The following RTL10 variants were observed in gnomAD, a reference collection of about 807,000 sequenced individuals.
RTL10 encodes the protein retrotransposon Gag like 10, also known as protein Bop.
For synonymous variants in RTL10, 199 were observed against 188.4 expected (o/e 1.06, Z -0.46); for missense variants, 477 against 470.7 (o/e 1.01, Z -0.12).
chr22:19,854,652 G>GCGCGGACCGAGAAACTGAGGCC lies in RTL10; in HGVS notation c.-337_-323+7dup, dbSNP rs1356469321. The GCGCGGACCGAGAAACTGAGGCC allele has an allele frequency of 7.8e-5, 12 of 152,996 alleles. No individual in the cohort carries two copies. The highest frequency in any genetic ancestry group is 7.2e-4 in the Admixed American group (11 of 15,318). 9.5% of individuals were successfully genotyped at this position (152,996 alleles called of 1,614,324 possible). On this transcript the variant is annotated splice_region_variant and intron_variant, in intron 1 of 2. Coordinates refer to ENST00000328554, the MANE Select transcript of RTL10 (RefSeq NM_024627.6). ...CTCCAGGTGCCCCCACAAACCCCCG[G>GCGCGGACCGAGAAACTGAGGCC]CGCGGACCGAGAAACTGAGGCCCGC...
In RTL10 at chr22:19,852,139, G is replaced by A. The variant is rs1938120724; in HGVS notation, c.123C>T (p.Pro41=). The A allele has an allele frequency of 1.2e-6, 2 of 1,614,174 alleles. No individual in the cohort carries two copies. The highest frequency in any genetic ancestry group is 1.3e-5 in the African/African-American group (1 of 75,072). The change falls in exon 3 of 3, where the codon CCC becomes CCT. Residue 41 remains proline, a synonymous_variant. Coordinates refer to ENST00000328554, the MANE Select transcript of RTL10 (RefSeq NM_024627.6). ...GCCGCTCAATCCAGGGATCCACAAG[G>A]GGGGTGTATGCCACCCCAGGAGACG... ...DKASPGVAYT[P]LVDPWIERPC...
intron 2 of RTL10, among the ~76,000 whole-genome samples, chr22:19,853,017 GCT>G: frequency 6.6e-6 from 1 of 152,254 alleles, no homozygotes; most frequent in East Asian, 1.9e-4. Flanking sequence ...TCGTCATTAG[GCT>G]CTTTTACATC....
intron 2 of RTL10, among the ~76,000 whole-genome samples, chr22:19,853,308 C>T (rs1307766508): frequency 6.6e-6 from 1 of 152,152 alleles, no homozygotes; most frequent in East Asian, 1.9e-4. Flanking sequence ...TCTGGGGAGT[C>T]CCAGTCTGAT....
chr22:19,851,717 G>T lies in RTL10; in HGVS notation c.545C>A (p.Pro182Gln). 1 of 1,603,536 alleles carries T rather than the reference G, an allele frequency of 6.2e-7. No individual in the cohort carries two copies. Among genetic ancestry groups the T allele is most frequent in the Non-Finnish European group, 8.5e-7 (1 of 1,172,594 alleles). ...CQDLKEVVQD[P>Q]NSFAEYHAVV... ...AGCATGGTACTCAGCAAAACTGTTC[G>T]GGTCTTGAACAACTTCCTTGAGATC... is the stretch of plus-strand genomic sequence containing the variant. The change falls in exon 3 of 3, where the codon CCG becomes CAG. Residue 182 changes from proline to glutamine, a missense_variant. Coordinates refer to ENST00000328554, the MANE Select transcript of RTL10 (RefSeq NM_024627.6).
Position 19,849,944 on chromosome 22 carries a change from T to A in RTL10, c.*1223A>T, listed in dbSNP as rs1299562909. 25 of 985,412 alleles carry A rather than the reference T, an allele frequency of 2.5e-5. No homozygotes were observed. The highest frequency in any genetic ancestry group is 3.0e-5 in the Non-Finnish European group (25 of 830,016). The allele number at this position is 985,412 out of a possible 1,614,324, so 61.0% of individuals were successfully genotyped here. Reference sequence around the variant, plus strand: ...GCTTCCACTAGAAAACCCCTCCTTGTGTGGAACAGGTCTTTCTTCATTCCA... The same window carrying A: ...GCTTCCACTAGAAAACCCCTCCTTGAGTGGAACAGGTCTTTCTTCATTCCA... On this transcript the variant is annotated 3_prime_UTR_variant, in exon 3 of 3. Coordinates refer to ENST00000328554, the MANE Select transcript of RTL10 (RefSeq NM_024627.6).
Position 19,852,042 on chromosome 22 carries a change from C to G in RTL10, c.220G>C (p.Gly74Arg), listed in dbSNP as rs141688112. ...AGGGGACCCCTTTCTGCAGGTTTAC[C>G]GCCACAAGTGCCACTAGCTGTGCTC... ...QKSTASGTCG[G>R]KPAERGPLAG... is the part of the protein sequence containing the mutation. The change falls in exon 3 of 3, where the codon GGT (glycine) becomes CGT (arginine). Residue 74 changes from glycine to arginine, a missense_variant. Physicochemically the swap from Gly to Arg is moderately radical, Grantham distance 125. Coordinates refer to ENST00000328554, the MANE Select transcript of RTL10 (RefSeq NM_024627.6). 102 of 1,614,076 alleles carry G rather than the reference C, an allele frequency of 6.3e-5. No individual in the cohort carries two copies. Among genetic ancestry groups the G allele is most frequent in the Admixed American group, 6.7e-5 (4 of 60,014 alleles).
In RTL10 at chr22:19,850,912, C is replaced by T; in HGVS notation, c.*255G>A. 1.5e-6 allele frequency: 2 copies of T among 1,362,062 alleles called. No homozygotes were observed. The highest frequency in any genetic ancestry group is 1.9e-6 in the Non-Finnish European group (2 of 1,061,562). The allele number at this position is 1,362,062 out of a possible 1,614,324, so 84.4% of individuals were successfully genotyped here. A position where few individuals can be genotyped will look rare whatever the true frequency, so the allele number is the denominator to read the frequency against. ...GTGGGAGCAGGCCTGGGTGAGACGG[C>T]ACTCCCAGAAGACGGGCAGGGATGC... On this transcript the variant is annotated 3_prime_UTR_variant, in exon 3 of 3. Transcript: ENST00000328554.
Position 19,850,258 on chromosome 22 carries a change from A to G in RTL10, c.*909T>C. ...CAGCCAGTAATCCAACACGTGTTTA[A>G]TGAGCACCAATTGTGTACCAGGCCA... On this transcript the variant is annotated 3_prime_UTR_variant, in exon 3 of 3. Coordinates refer to ENST00000328554, the MANE Select transcript of RTL10 (RefSeq NM_024627.6). 2 of 985,058 alleles carry G rather than the reference A, an allele frequency of 2.0e-6. No homozygotes were observed. The highest frequency in any genetic ancestry group is 2.4e-6 in the Non-Finnish European group (2 of 829,530). 61.0% of individuals were successfully genotyped at this position (985,058 alleles called of 1,614,324 possible). A position where few individuals can be genotyped will look rare whatever the true frequency, so the allele number is the denominator to read the frequency against.
Position 19,848,726 on chromosome 22 carries a change from ACT to A in RTL10, c.*2439_*2440del, listed in dbSNP as rs1365251082. The A allele has an allele frequency of 1.0e-6, 1 of 985,310 alleles. No homozygotes were observed. The highest frequency in any genetic ancestry group is 1.2e-6 in the Non-Finnish European group (1 of 829,990). The allele number at this position is 985,310 out of a possible 1,614,324, so 61.0% of individuals were successfully genotyped here. On this transcript the variant is annotated 3_prime_UTR_variant, in exon 3 of 3. Transcript: ENST00000328554. ...GCCCTCAGACACACGGCAGACCATAACTCACACACCCCCAGGAGCTGCCTGGG... is the reference window on the plus strand; with the variant it reads ...GCCCTCAGACACACGGCAGACCATAACACACACCCCCAGGAGCTGCCTGGG...
rs1555903696 is a variant in RTL10 at position 19,849,385 on chromosome 22, T to TTTG, written c.*1781_*1782insCAA. On this transcript the variant is annotated 3_prime_UTR_variant, in exon 3 of 3. Coordinates refer to ENST00000328554, the MANE Select transcript of RTL10 (RefSeq NM_024627.6). ...TTGTTTTTTGTTGTTTTTTTTTTTT[T>TTTG]GGGATGGAGTTTCACTCTTGTTGTC... The TTTG allele has an allele frequency of 6.3e-4, 477 of 761,694 alleles. No individual in the cohort carries two copies. The highest frequency in any genetic ancestry group is 1.3e-3 in the Middle Eastern group (2 of 1,514). 47.2% of individuals were successfully genotyped at this position (761,694 alleles called of 1,614,324 possible). A position where few individuals can be genotyped will look rare whatever the true frequency, so the allele number is the denominator to read the frequency against.
chr22:19,852,161 G>A lies in RTL10; in HGVS notation c.101C>T (p.Ser34Phe), dbSNP rs1363090518. 6 of 1,613,992 alleles carry A rather than the reference G, an allele frequency of 3.7e-6. No individual in the cohort carries two copies. The highest frequency in any genetic ancestry group is 4.2e-6 in the Non-Finnish European group (5 of 1,180,040). The change falls in exon 3 of 3, where the codon TCT (serine) becomes TTT (phenylalanine). Residue 34 changes from serine to phenylalanine, a missense_variant. Physicochemically the swap from Ser to Phe is radical, Grantham distance 155 (BLOSUM62 -2). Transcript: ENST00000328554. ...AAGGGGGGTGTATGCCACCCCAGGAGACGCCTTGTCCATCTGCTGCCATGG... is the reference window on the plus strand; with the variant it reads ...AAGGGGGGTGTATGCCACCCCAGGAAACGCCTTGTCCATCTGCTGCCATGG... ...AHPWQQMDKASPGVAYTPLVD... is the reference protein window; with the variant it reads ...AHPWQQMDKAFPGVAYTPLVD...
Position 19,847,297 on chromosome 22 carries a change from G to A in RTL10, c.*3870C>T, listed in dbSNP as rs1937983220. ...TGCGCTGTTGGAGATCTTTGTTACT[G>A]CAGCACAATCTGGCTCATGCTGACT... On this transcript the variant is annotated 3_prime_UTR_variant, in exon 3 of 3. Transcript: ENST00000328554. 2 of 984,518 alleles carry A rather than the reference G, an allele frequency of 2.0e-6. 1 individual carries two copies. Among genetic ancestry groups the A allele is most frequent in the Admixed American group, 1.2e-4 (2 of 16,274 alleles). 61.0% of individuals were successfully genotyped at this position (984,518 alleles called of 1,614,324 possible). A position where few individuals can be genotyped will look rare whatever the true frequency, so the allele number is the denominator to read the frequency against.
Position 19,852,083 on chromosome 22 carries a change from G to T in RTL10, c.179C>A (p.Thr60Lys). ...AGCTGTGCTCTTCTGCTCCATGGTC[G>T]TTCGCACACACACGGTGTCCCCACA... Reference protein sequence around the residue: ...PCCGDTVCVRTTMEQKSTASG... With the variant: ...PCCGDTVCVRKTMEQKSTASG... Residue 60 changes from threonine (T) to lysine (K), a missense_variant, in exon 3 of 3, where the codon ACG becomes AAG. Coordinates refer to ENST00000328554, the MANE Select transcript of RTL10 (RefSeq NM_024627.6). The T allele has an allele frequency of 6.2e-7, 1 of 1,614,220 alleles. No individual in the cohort carries two copies. The highest frequency in any genetic ancestry group is 8.5e-7 in the Non-Finnish European group (1 of 1,180,040).
In RTL10 at chr22:19,848,205, A is replaced by G. The variant is rs949234893; in HGVS notation, c.*2962T>C. The stretch of plus-strand genomic sequence containing the variant: ...ACAGCACCCATCATGTCCTATCTTC[A>G]GGAAATAAAATCTCTGGGTATTTCC... On this transcript the variant is annotated 3_prime_UTR_variant, in exon 3 of 3. Coordinates refer to ENST00000328554, the MANE Select transcript of RTL10 (RefSeq NM_024627.6). The G allele has an allele frequency of 4.0e-5, 39 of 985,280 alleles. No homozygotes were observed. Among genetic ancestry groups the G allele is most frequent in the Admixed American group, 6.1e-5 (1 of 16,266 alleles). 61.0% of individuals were successfully genotyped at this position (985,280 alleles called of 1,614,324 possible).
rs1277576235 is a variant in RTL10, at chr22:19,851,331, C to T, written c.931G>A (p.Ala311Thr). 8 of 1,614,012 alleles carry T rather than the reference C, an allele frequency of 5.0e-6. No homozygotes were observed. The highest frequency in any genetic ancestry group is 1.6e-4 in the Middle Eastern group (1 of 6,084). Residue 311 changes from alanine to threonine, a missense_variant, in exon 3 of 3, where the codon GCC becomes ACC. By Grantham distance (58) the Ala-to-Thr change is moderately conservative. Transcript: ENST00000328554. Reference sequence around the variant, plus strand: ...GGATGAGCTGGGTCTGGTCTCTGGGCAGGAGGATTAGCTGACTCCGACAGT... The same window carrying T: ...GGATGAGCTGGGTCTGGTCTCTGGGTAGGAGGATTAGCTGACTCCGACAGT... ...PRLSESANPP[A>T]QRPDPAHPGG...
Position 19,850,252 on chromosome 22 carries a change from T to C in RTL10, c.*915A>G. 1.0e-6 allele frequency: 1 copy of C among 985,306 alleles called. No individual in the cohort carries two copies. Among genetic ancestry groups the C allele is most frequent in the Non-Finnish European group, 1.2e-6 (1 of 829,822 alleles). The allele number at this position is 985,306 out of a possible 1,614,324, so 61.0% of individuals were successfully genotyped here. A position where few individuals can be genotyped will look rare whatever the true frequency, so the allele number is the denominator to read the frequency against. On this transcript the variant is annotated 3_prime_UTR_variant, in exon 3 of 3. Coordinates refer to ENST00000328554, the MANE Select transcript of RTL10 (RefSeq NM_024627.6). Reference sequence around the variant, plus strand: ...CCACCTCAGCCAGTAATCCAACACGTGTTTAATGAGCACCAATTGTGTACC... The same window carrying C: ...CCACCTCAGCCAGTAATCCAACACGCGTTTAATGAGCACCAATTGTGTACC...
Position 19,852,409 on chromosome 22 carries a change from G to A in RTL10, c.-148C>T, listed in dbSNP as rs1334449659. Reference sequence around the variant, plus strand: ...TGGTCCAGGCAAGTGCTGAGGATCAGGGAGCTGACAGCTGCAGCCTCAGGA... The same window carrying A: ...TGGTCCAGGCAAGTGCTGAGGATCAAGGAGCTGACAGCTGCAGCCTCAGGA... On this transcript the variant is annotated 5_prime_UTR_variant, in exon 3 of 3. Coordinates refer to ENST00000328554, the MANE Select transcript of RTL10 (RefSeq NM_024627.6). 2.5e-6 allele frequency: 2 copies of A among 803,204 alleles called. No homozygotes were observed. The highest frequency in any genetic ancestry group is 2.8e-5 in the Admixed American group (1 of 35,546). The allele number at this position is 803,204 out of a possible 1,614,324, so 49.8% of individuals were successfully genotyped here.
rs746651722 is a variant in RTL10 at position 19,851,759 on chromosome 22, T to C, written c.503A>G (p.Tyr168Cys). 8 of 1,610,552 alleles carry C rather than the reference T, an allele frequency of 5.0e-6. No homozygotes were observed. Among genetic ancestry groups the C allele is most frequent in the Non-Finnish European group, 6.8e-6 (8 of 1,177,478 alleles). ...CTTGAGATCCTGGCAGAAGAGCTCG[T>C]AATCGTCAGGCAGGGGCAGGTCCCC... is the stretch of plus-strand genomic sequence containing the variant. ...LDGDLPLPDD[Y>C]ELFCQDLKEV... The change falls in exon 3 of 3, where the codon TAC becomes TGC. Residue 168 changes from tyrosine to cysteine, a missense_variant. Transcript: ENST00000328554.
Position 19,849,294 on chromosome 22 carries a change from G to C in RTL10, c.*1873C>G, listed in dbSNP as rs1938036886. On this transcript the variant is annotated 3_prime_UTR_variant, in exon 3 of 3. Transcript: ENST00000328554. ...TCACACATAAAACCATCTGAACCCA[G>C]AGCCTTTTCTAGTGATAGTTACCAT... The C allele has an allele frequency of 1.0e-6, 1 of 982,124 alleles. No homozygotes were observed. Among genetic ancestry groups the C allele is most frequent in the Non-Finnish European group, 1.2e-6 (1 of 827,062 alleles). 60.8% of individuals were successfully genotyped at this position (982,124 alleles called of 1,614,324 possible).
Sources: gnomAD v4.1 joint callset for allele counts (sites outside exome capture counted in the v4.1 genomes callset) on GRCh38, gnomAD v4.1.1 for gene constraint, MANE v1.5 for transcripts, NCBI Gene and HGNC (gene_info 2026-07-23, HGNC 2026-07-21) for gene names.